Variants in OBI1 observed in about 807,000 individuals in gnomAD.
OBI1 encodes the protein ring finger protein 219.
OBI1 carries 59 observed loss-of-function variants against 62.4 expected under a neutral mutation model. The ratio of observed to expected loss-of-function variants is 0.95; its 90% CI spans 0.77 to 1.17. The LOEUF (loss-of-function observed/expected upper bound fraction) is 1.17, where lower values mean the gene tolerates loss of function less well. Ranked by LOEUF, OBI1 falls within the 50% of genes most tolerant of loss-of-function variation. The probability of loss-of-function intolerance (pLI) is 0.00; values close to 1 mark genes in which losing one functional copy is unlikely to be tolerated. For synonymous variants in OBI1, 302 were observed against 292.8 expected, an observed-to-expected ratio of 1.03 and a Z score of -0.32; for missense variants, 875 against 830.9, an observed-to-expected ratio of 1.05 and a Z score of -0.65.
chr13:78,634,225 A>G (rs956532308), intron 5 of OBI1, among the ~76,000 whole-genome samples: 1 of 152,042 alleles, frequency 6.6e-6, no homozygotes, highest in African/African-American at 2.4e-5. Flanking sequence ...TCTATTTCAG[A>G]TAGGCTTTTT....
At chr13:78,626,730 A>G (rs924683211) in intron 5 of OBI1, among the ~76,000 whole-genome samples, 1 of 152,190 alleles carries the variant, frequency 6.6e-6, no homozygotes, top group Non-Finnish European at 1.5e-5. Flanking sequence ...AGAGGCAAGG[A>G]TATTAAACTG....
In OBI1 at chr13:78,644,911, T is replaced by A; in HGVS notation, c.159A>T (p.Pro53=). Residue 53 remains proline, a synonymous_variant, in exon 2 of 6, where the codon CCA becomes CCT. Coordinates refer to ENST00000282003, the MANE Select transcript of OBI1 (RefSeq NM_024546.4). ...CAGGAGTGATGGGGACTCTGCAAGC[T>A]GGACACTGGCTATTATTCTTCAACC... ...DLWLKNNSQC[P]ACRVPITPEN... 6.2e-7 allele frequency: 1 copy of A among 1,614,128 alleles called. No individual in the cohort carries two copies. Among genetic ancestry groups the A allele is most frequent in the East Asian group, 2.2e-5 (1 of 44,868 alleles).
At position 78,616,437 on chromosome 13, in the gene OBI1, A is replaced by T; in HGVS notation, c.1324T>A (p.Ser442Thr). 1 of 1,613,194 alleles carries T rather than the reference A, an allele frequency of 6.2e-7. No individual in the cohort carries two copies. Residue 442 changes from serine to threonine, a missense_variant, in exon 6 of 6, where the codon TCT (serine) becomes ACT (threonine). By Grantham distance (58) the Ser-to-Thr change is moderately conservative. Transcript: ENST00000282003. ...CDSSNVSNKDSSEDDISRSEN... is the reference protein window; with the variant it reads ...CDSSNVSNKDTSEDDISRSEN... ...CTTCTACTTATATCATCTTCTGAAG[A>T]ATCTTTATTAGAAACATTTGAAGAA...
chr13:78,655,723 T>C (rs1876680921), intron 1 of OBI1, among the ~76,000 whole-genome samples: 1 of 152,168 alleles, frequency 6.6e-6, no homozygotes, highest in South Asian at 2.1e-4. Flanking sequence ...GAGAAGATGC[T>C]GACTGTGAGA....
At chr13:78,622,606 G>A (rs1326808069) in intron 5 of OBI1, among the ~76,000 whole-genome samples, 2 of 152,150 alleles carry the variant, frequency 1.3e-5, no homozygotes, top group Non-Finnish European at 2.9e-5. Flanking sequence ...AACACAGGGA[G>A]CTAAGGTTTC....
intron 1 of OBI1, among the ~76,000 whole-genome samples, chr13:78,649,346 CA>C (rs2137465843): frequency 6.6e-6 from 1 of 152,256 alleles, no homozygotes; most frequent in Non-Finnish European, 1.5e-5. Flanking sequence ...TCACAGAAGT[CA>C]AGGCAAGAAA....
Position 78,616,559 on chromosome 13 carries a change from C to A in OBI1, c.1202G>T (p.Ser401Ile). The change falls in exon 6 of 6, where the codon AGT (serine) becomes ATT (isoleucine). Residue 401 changes from serine (S) to isoleucine (I), a missense_variant. By Grantham distance (142) the Ser-to-Ile change is moderately radical. Coordinates refer to ENST00000282003, the MANE Select transcript of OBI1 (RefSeq NM_024546.4). ...AGAGCTCTCTCTATTTTCTGGAGTA[C>A]TGAGCTGAAGGCAACTAAGGGACAA... is the stretch of plus-strand genomic sequence containing the variant. ...TPLSLSCLQL[S>I]TPENRESSVV... 6.2e-7 allele frequency: 1 copy of A among 1,614,086 alleles called. No individual in the cohort carries two copies. Among genetic ancestry groups the A allele is most frequent in the Non-Finnish European group, 8.5e-7 (1 of 1,180,030 alleles).
chr13:78,639,940 T>C (rs1483799361), intron 3 of OBI1, among the ~76,000 whole-genome samples: 2 of 150,428 alleles, frequency 1.3e-5, no homozygotes, highest in Non-Finnish European at 3.0e-5. Flanking sequence ...CATGTATACA[T>C]AGGTAACTAA....
intron 5 of OBI1, among the ~76,000 whole-genome samples, chr13:78,629,036 A>G (rs972103363): frequency 2.6e-5 from 4 of 152,170 alleles, no homozygotes; most frequent in Admixed American, 6.5e-5. Flanking sequence ...CAAAAAAGGA[A>G]GCAAGCCCAG....
chr13:78,635,197 G>A lies in OBI1; in HGVS notation c.551C>T (p.Ala184Val). ...ATTTTCCAATTTCAATTTTTTATTT[G>A]CCTAAAATAACAAATTGAAAATAAG... ...VKDDVDKLKEANKKLKLENGG... is the reference protein window; with the variant it reads ...VKDDVDKLKEVNKKLKLENGG... The change falls in exon 5 of 6, where the codon GCA becomes GTA. Residue 184 changes from alanine to valine, a missense_variant and splice_region_variant. Ala to Val is a moderately conservative substitution (Grantham distance 64). Coordinates refer to ENST00000282003, the MANE Select transcript of OBI1 (RefSeq NM_024546.4). The A allele has an allele frequency of 6.3e-7, 1 of 1,575,458 alleles. No homozygotes were observed. Among genetic ancestry groups the A allele is most frequent in the Non-Finnish European group, 8.7e-7 (1 of 1,150,206 alleles).
chr13:78,641,636 T>C (rs1249458440), intron 3 of OBI1, among the ~76,000 whole-genome samples: 1 of 152,190 alleles, frequency 6.6e-6, no homozygotes, highest in Non-Finnish European at 1.5e-5. Context: ...AAAATCTCTG[T>C]GCTGGCAGTT....
At chr13:78,630,383 T>C (rs903935808) in intron 5 of OBI1, among the ~76,000 whole-genome samples, 1 of 152,178 alleles carries the variant, frequency 6.6e-6, no homozygotes, top group Non-Finnish European at 1.5e-5. Context: ...TTATTTCCTT[T>C]GTATTATATC....
intron 5 of OBI1, among the ~76,000 whole-genome samples, chr13:78,633,894 C>T (rs985056646): frequency 2.0e-5 from 3 of 151,728 alleles, no homozygotes. Flanking sequence ...GGTGAAACCC[C>T]GTCTCTACTA....
At chr13:78,621,561 G>A (rs1258283949) in intron 5 of OBI1, among the ~76,000 whole-genome samples, 1 of 152,180 alleles carries the variant, frequency 6.6e-6, no homozygotes, top group Non-Finnish European at 1.5e-5. Flanking sequence ...AGATGAAGGT[G>A]TAACAAAGAA....
chr13:78,641,207 T>C (rs1056237579), intron 3 of OBI1, among the ~76,000 whole-genome samples: 8 of 152,352 alleles, frequency 5.3e-5, no homozygotes, highest in South Asian at 2.1e-4. Flanking sequence ...ATTCATTATA[T>C]AAAAATACAT....
In OBI1 at chr13:78,615,533, T is replaced by C. The variant is rs766525401; in HGVS notation, c.*47A>G. 5 of 1,404,112 alleles carry C rather than the reference T, an allele frequency of 3.6e-6. No individual in the cohort carries two copies. Among genetic ancestry groups the C allele is most frequent in the Non-Finnish European group, 4.8e-6 (5 of 1,031,124 alleles). The allele number at this position is 1,404,112 out of a possible 1,614,324, so 87.0% of individuals were successfully genotyped here. ...GGAAAAAAGGTAACTTTAACAACTT[T>C]TCTATTTCTCTCAGGACAAAACCAC... On this transcript the variant is annotated 3_prime_UTR_variant, in exon 6 of 6. Transcript: ENST00000282003.
intron 1 of OBI1, among the ~76,000 whole-genome samples, chr13:78,655,672 C>T (rs1468656978): frequency 6.6e-6 from 1 of 152,138 alleles, no homozygotes; most frequent in Non-Finnish European, 1.5e-5. Context: ...CCTTGTGACC[C>T]TCCAGGGATA....
intron 1 of OBI1, among the ~76,000 whole-genome samples, chr13:78,646,714 C>G (rs910351735): frequency 1.3e-4 from 20 of 152,120 alleles, no homozygotes; most frequent in Admixed American, 1.1e-3. Context: ...TACTCTATGT[C>G]TGCCTTAAAA....
At chr13:78,649,494 C>T (rs982636320) in intron 1 of OBI1, among the ~76,000 whole-genome samples, 2 of 152,032 alleles carry the variant, frequency 1.3e-5, no homozygotes. Context: ...ACTGTTTCAG[C>T]GAATGTTGGG....
Sources: allele counts gnomAD v4.1 joint callset (sites outside exome capture counted in the v4.1 genomes callset), GRCh38; gene constraint gnomAD v4.1.1; transcripts MANE v1.5; gene names NCBI Gene and HGNC (gene_info 2026-07-23, HGNC 2026-07-21).